The following CNTNAP2 variants were observed in gnomAD, a reference collection of about 807,000 sequenced individuals.
CNTNAP2 encodes contactin associated protein 2.
In CNTNAP2, 98 loss-of-function variants were observed where a neutral mutation model predicts 155.2. The observed-to-expected ratio is 0.63, with a 90% CI of 0.54 to 0.75. The LOEUF (loss-of-function observed/expected upper bound fraction) is 0.75, where lower values mean the gene tolerates loss of function less well. Among genes scored for constraint, CNTNAP2 ranks in the 30% least tolerant of loss-of-function variants. CNTNAP2 has a pLI of 0.00. For synonymous variants in CNTNAP2, 651 were observed against 631.2 expected (o/e 1.03, Z -0.47); for missense variants, 1,727 against 1,688.1 (o/e 1.02, Z -0.40).
At chr7:146,198,014 T>G (rs1798800467) in intron 1 of CNTNAP2, among the ~76,000 whole-genome samples, 1 of 152,010 alleles carries the variant, frequency 6.6e-6, no homozygotes, top group Non-Finnish European at 1.5e-5. Context: ...TCCAGGCACT[T>G]ATCAAACAAC....
chr7:148,278,486 C>T (rs942499490), intron 21 of CNTNAP2, among the ~76,000 whole-genome samples: 10 of 147,226 alleles, frequency 6.8e-5, no homozygotes, highest in African/African-American at 1.3e-4. Flanking sequence ...AGGAGAATGG[C>T]GTGAACCCAG....
chr7:147,608,320 A>G (rs1801112761), intron 12 of CNTNAP2, among the ~76,000 whole-genome samples: 1 of 152,032 alleles, frequency 6.6e-6, no homozygotes, highest in African/African-American at 2.4e-5. Flanking sequence ...TATTGTAAGT[A>G]AAGGTCAAAT....
At chr7:147,831,047 A>G (rs1798537882) in intron 13 of CNTNAP2, among the ~76,000 whole-genome samples, 1 of 152,218 alleles carries the variant, frequency 6.6e-6, no homozygotes, top group African/African-American at 2.4e-5. Context: ...AGTTAGAGGA[A>G]TTCTTATTAA....
At chr7:146,836,215 G>A (rs1048336207) in intron 2 of CNTNAP2, among the ~76,000 whole-genome samples, 32 of 151,110 alleles carry the variant, frequency 2.1e-4, no homozygotes, top group African/African-American at 6.1e-4. Context: ...ATATGATTTC[G>A]ATATAGTGAA....
chr7:146,716,008 C>A (rs1487020052), intron 1 of CNTNAP2, among the ~76,000 whole-genome samples: 1 of 151,944 alleles, frequency 6.6e-6, no homozygotes, highest in East Asian at 1.9e-4. Flanking sequence ...AATGAGCAGC[C>A]GCCATAGGTC....
intron 3 of CNTNAP2, among the ~76,000 whole-genome samples, chr7:146,964,831 C>T (rs528612055): frequency 6.6e-6 from 1 of 152,064 alleles, no homozygotes; most frequent in East Asian, 1.9e-4. Flanking sequence ...ATGGACAATA[C>T]CTAAGCAGAT....
intron 22 of CNTNAP2, among the ~76,000 whole-genome samples, chr7:148,406,669 A>G (rs183708028): frequency 6.6e-6 from 1 of 152,320 alleles, no homozygotes; most frequent in Admixed American, 6.5e-5. Flanking sequence ...GTGTCCAGAG[A>G]AGAGTAATTA....
intron 3 of CNTNAP2, among the ~76,000 whole-genome samples, chr7:147,033,206 A>ATATATATAT (rs1434521356): frequency 3.2e-5 from 4 of 126,146 alleles, no homozygotes; most frequent in Non-Finnish European, 6.6e-5. Context: ...ATATATATGG[A>ATATATATAT]ATATGTTGGC....
intron 1 of CNTNAP2, among the ~76,000 whole-genome samples, chr7:146,327,463 T>G (rs971977635): frequency 2.6e-5 from 4 of 152,216 alleles, no homozygotes; most frequent in African/African-American, 9.6e-5. Flanking sequence ...TTCTGTTCAT[T>G]CTGCAAAATT....
chr7:146,125,590 A>G (rs1288097916), intron 1 of CNTNAP2, among the ~76,000 whole-genome samples: 1 of 150,426 alleles, frequency 6.6e-6, no homozygotes, highest in Admixed American at 6.6e-5. Flanking sequence ...CCAAAAAAAA[A>G]AAAAAAAAAA....
intron 13 of CNTNAP2, among the ~76,000 whole-genome samples, chr7:147,745,712 C>A (rs1490747974): frequency 6.6e-6 from 1 of 152,160 alleles, no homozygotes; most frequent in Non-Finnish European, 1.5e-5. Flanking sequence ...ACAAAATGCT[C>A]TTTCTCTACT....
At chr7:146,655,431 A>AG (rs1265801553) in intron 1 of CNTNAP2, among the ~76,000 whole-genome samples, 4 of 151,022 alleles carry the variant, frequency 2.6e-5, no homozygotes, top group African/African-American at 9.7e-5. Context: ...AAAAAAAAAA[A>AG]AAAGAAAGAA....
chr7:148,197,143 C>T (rs1271946475), intron 18 of CNTNAP2, among the ~76,000 whole-genome samples: 2 of 152,166 alleles, frequency 1.3e-5, no homozygotes, highest in South Asian at 2.1e-4. Context: ...CAACAACCTA[C>T]TATAAATTTA....
intron 10 of CNTNAP2, among the ~76,000 whole-genome samples, chr7:147,450,535 G>C (rs1036458905): frequency 3.3e-5 from 5 of 152,154 alleles, no homozygotes; most frequent in Admixed American, 1.3e-4. Flanking sequence ...ATAAATTTGT[G>C]TGGTTTTAAG....
intron 1 of CNTNAP2, among the ~76,000 whole-genome samples, chr7:146,647,637 T>C (rs554861272): frequency 5.9e-4 from 90 of 152,206 alleles, no homozygotes; most frequent in Non-Finnish European, 1.1e-3. Context: ...GGCAGACTGG[T>C]TCAGCATGGT....
At chr7:147,571,260 T>C (rs1387257985) in intron 12 of CNTNAP2, among the ~76,000 whole-genome samples, 1 of 112,988 alleles carries the variant, frequency 8.9e-6, no homozygotes. Flanking sequence ...CCTAATGCTA[T>C]CCCTCCCCCC....
At chr7:146,740,266 G>T in intron 1 of CNTNAP2, among the ~76,000 whole-genome samples, 1 of 143,812 alleles carries the variant, frequency 7.0e-6, no homozygotes, top group South Asian at 2.2e-4. Context: ...GTCTTTCATT[G>T]TATTTTTCAG....
At chr7:147,229,431 CA>C (rs1563125542) in intron 8 of CNTNAP2, among the ~76,000 whole-genome samples, 1 of 151,944 alleles carries the variant, frequency 6.6e-6, no homozygotes, top group East Asian at 1.9e-4. Context: ...CCATGTAAGC[CA>C]CAATAAAACT....
At chr7:148,277,591 C>CG (rs200078565) in intron 21 of CNTNAP2, among the ~76,000 whole-genome samples, 1 of 148,452 alleles carries the variant, frequency 6.7e-6, no homozygotes, top group Non-Finnish European at 1.5e-5. Context: ...ACAGGACCGC[C>CG]CCCCACCACC....
Sources: gnomAD v4.1 joint callset for allele counts (sites outside exome capture counted in the v4.1 genomes callset) on GRCh38, gnomAD v4.1.1 for gene constraint, MANE v1.5 for transcripts, NCBI Gene and HGNC (gene_info 2026-07-23, HGNC 2026-07-21) for gene names.